The following R3HCC1L variants were observed in gnomAD, a reference collection of about 807,000 sequenced individuals.
R3HCC1L encodes the protein coiled-coil domain-containing protein R3HCC1L.
A neutral mutation model predicts 59.9 loss-of-function variants in R3HCC1L; 51 were observed. The observed-to-expected ratio is 0.85, with a 90% CI of 0.68 to 1.07. The LOEUF is 1.07. Among genes scored for constraint, R3HCC1L ranks in the 50% least tolerant of loss-of-function variants. The pLI is 0.00. For synonymous variants in R3HCC1L, 322 were observed against 315.2 expected (o/e 1.02, Z -0.23); for missense variants, 965 against 933.0 (o/e 1.03, Z -0.45).
chr10:98,207,328 T>C (rs540713333), intron 4 of R3HCC1L, among the ~76,000 whole-genome samples: 2 of 152,346 alleles, frequency 1.3e-5, no homozygotes, highest in South Asian at 2.1e-4. Flanking sequence ...GATAAAGATT[T>C]TTTTAACTTT....
At chr10:98,242,396 A>G (rs1458450557) in intron 9 of R3HCC1L, among the ~76,000 whole-genome samples, 2 of 152,208 alleles carry the variant, frequency 1.3e-5, no homozygotes, top group East Asian at 1.9e-4. Flanking sequence ...TTAGAAAGGT[A>G]ATATGGTATC....
At chr10:98,169,043 G>C (rs1848237513) in intron 4 of R3HCC1L, among the ~76,000 whole-genome samples, 1 of 152,166 alleles carries the variant, frequency 6.6e-6, no homozygotes, top group South Asian at 2.1e-4. Flanking sequence ...GAATGAGGAA[G>C]TTTCAGAGAC....
intron 1 of R3HCC1L, among the ~76,000 whole-genome samples, chr10:98,151,382 T>C (rs528518346): frequency 6.6e-6 from 1 of 152,294 alleles, no homozygotes; most frequent in South Asian, 2.1e-4. Context: ...ATGGAGGTGG[T>C]GATAATACTC....
chr10:98,140,469 G>C (rs144637634), intron 1 of R3HCC1L, among the ~76,000 whole-genome samples: 2 of 152,240 alleles, frequency 1.3e-5, no homozygotes, highest in South Asian at 2.1e-4. Context: ...GTCAGTCAGA[G>C]ACAGAGAAGT....
intron 1 of R3HCC1L, among the ~76,000 whole-genome samples, chr10:98,155,405 T>G (rs1846745027): frequency 6.6e-6 from 1 of 152,194 alleles, no homozygotes; most frequent in Non-Finnish European, 1.5e-5. Flanking sequence ...GTGTTTGTGC[T>G]CTTTCACTAT....
At chr10:98,164,858 T>C (rs1847780100) in intron 4 of R3HCC1L, among the ~76,000 whole-genome samples, 1 of 152,156 alleles carries the variant, frequency 6.6e-6, no homozygotes, top group African/African-American at 2.4e-5. Flanking sequence ...GGAAGGTGTT[T>C]TAGTTGTTGG....
chr10:98,189,909 A>G (rs1388824040), intron 4 of R3HCC1L, among the ~76,000 whole-genome samples: 1 of 152,206 alleles, frequency 6.6e-6, no homozygotes, highest in Admixed American at 6.5e-5. Context: ...GTGCAGGAGA[A>G]GGACATTTCT....
chr10:98,166,739 T>C (rs541171058), intron 4 of R3HCC1L, among the ~76,000 whole-genome samples: 18 of 152,110 alleles, frequency 1.2e-4, no homozygotes, highest in Non-Finnish European at 1.9e-4. Context: ...TCTCTCGGCT[T>C]ACTGCAACTT....
intron 2 of R3HCC1L, among the ~76,000 whole-genome samples, chr10:98,161,255 ATGTT>A: frequency 6.6e-6 from 1 of 152,166 alleles, no homozygotes; most frequent in South Asian, 2.1e-4. Context: ...TATAGTTTTA[ATGTT>A]TGTTTCTCTT....
intron 4 of R3HCC1L, among the ~76,000 whole-genome samples, chr10:98,192,816 A>G (rs1024209125): frequency 4.6e-5 from 7 of 152,152 alleles, no homozygotes; most frequent in African/African-American, 1.7e-4. Flanking sequence ...CCTGATACCA[A>G]AGCCAGAGAT....
chr10:98,230,989 C>T (rs1275655535), intron 5 of R3HCC1L: 1 of 408,206 alleles, frequency 2.4e-6, no homozygotes, highest in Non-Finnish European at 4.8e-6. Flanking sequence ...TTTGTCTTAA[C>T]AAATGCCTTT....
intron 5 of R3HCC1L, among the ~76,000 whole-genome samples, chr10:98,224,055 G>C (rs763876244): frequency 1.1e-4 from 16 of 152,200 alleles, no homozygotes; most frequent in Middle Eastern, 6.8e-3. Context: ...AATGCAGGCT[G>C]TGGCAAGTGG....
At chr10:98,177,883 ATTTTTTCTTGTAAATTTGTTTAAG>A (rs1849203409) in intron 4 of R3HCC1L, among the ~76,000 whole-genome samples, 2 of 151,408 alleles carry the variant, frequency 1.3e-5, no homozygotes, top group South Asian at 2.1e-4. Context: ...GGGTTGTTTG[ATTTTTTCTTGTAAATTTGTTTAAG>A]TTTTTTCTTG....
chr10:98,158,815 T>C (rs1847129729), intron 2 of R3HCC1L, among the ~76,000 whole-genome samples: 2 of 151,998 alleles, frequency 1.3e-5, no homozygotes, highest in Admixed American at 6.6e-5. Flanking sequence ...ATTGACTTTT[T>C]TTTTTTTTTG....
chr10:98,194,081 G>C (rs1851150455), intron 4 of R3HCC1L, among the ~76,000 whole-genome samples: 1 of 152,050 alleles, frequency 6.6e-6, no homozygotes, highest in South Asian at 2.1e-4. Flanking sequence ...TGATTCCATA[G>C]TATATTACAA....
chr10:98,220,410 G>C (rs538997637), intron 5 of R3HCC1L, among the ~76,000 whole-genome samples: 2 of 105,622 alleles, frequency 1.9e-5, no homozygotes, highest in East Asian at 5.1e-4. Flanking sequence ...TATACTCTAA[G>C]TTTTAGGGTA....
intron 4 of R3HCC1L, among the ~76,000 whole-genome samples, chr10:98,180,438 T>C (rs1849512309): frequency 6.6e-6 from 1 of 152,190 alleles, no homozygotes; most frequent in Non-Finnish European, 1.5e-5. Flanking sequence ...TTGTTGTGAT[T>C]TCTGTTCTTT....
intron 4 of R3HCC1L, among the ~76,000 whole-genome samples, chr10:98,185,086 A>G (rs1850081761): frequency 6.6e-6 from 1 of 152,182 alleles, no homozygotes; most frequent in Non-Finnish European, 1.5e-5. Flanking sequence ...AACTTTCTTC[A>G]TCCTAAGCAG....
chr10:98,142,029 C>T (rs1197613803), intron 1 of R3HCC1L, among the ~76,000 whole-genome samples: 1 of 152,128 alleles, frequency 6.6e-6, no homozygotes, highest in Non-Finnish European at 1.5e-5. Flanking sequence ...AAGGGTTTTT[C>T]CCTACTGCTG....
Sources: gnomAD v4.1 joint callset for allele counts (sites outside exome capture counted in the v4.1 genomes callset) on GRCh38, gnomAD v4.1.1 for gene constraint, MANE v1.5 for transcripts, NCBI Gene and HGNC (gene_info 2026-07-23, HGNC 2026-07-21) for gene names.